GFOD1: variants seen among roughly 807,000 people sequenced by gnomAD.
The protein encoded by GFOD1 is glucose-fructose oxidoreductase domain-containing protein 1.
Under a neutral mutation model 25.4 loss-of-function variants are expected in GFOD1, and 9 were observed. The observed-to-expected ratio is 0.35, with a 90% CI of 0.21 to 0.62. The LOEUF (loss-of-function observed/expected upper bound fraction) is 0.62. Among genes scored for constraint, GFOD1 ranks in the 20% least tolerant of loss-of-function variants. The pLI, the probability that GFOD1 is intolerant of heterozygous loss-of-function variation, is 0.72. For synonymous variants in GFOD1, 253 were observed against 245.6 expected (o/e 1.03, Z -0.28); for missense variants, 403 against 556.9 (o/e 0.72, Z 2.78).
chr6:13,418,635 T>C (rs891498126), intron 1 of GFOD1, among the ~76,000 whole-genome samples: 1 of 152,158 alleles, frequency 6.6e-6, no homozygotes, highest in Non-Finnish European at 1.5e-5. Context: ...ATTGGTGTCA[T>C]CTGTCACCTC....
chr6:13,407,746 G>A (rs888152210), intron 1 of GFOD1, among the ~76,000 whole-genome samples: 1 of 152,174 alleles, frequency 6.6e-6, no homozygotes, highest in Admixed American at 6.5e-5. Context: ...GATCAAATGG[G>A]GCTCAGAGGA....
chr6:13,473,519 C>T (rs1758551991), intron 1 of GFOD1, among the ~76,000 whole-genome samples: 2 of 152,214 alleles, frequency 1.3e-5, no homozygotes, highest in Non-Finnish European at 2.9e-5. Context: ...GTGGCTGTCA[C>T]CATTTGAGAT....
intron 1 of GFOD1, among the ~76,000 whole-genome samples, chr6:13,379,197 G>A (rs1424041415): frequency 1.3e-5 from 2 of 152,166 alleles, no homozygotes; most frequent in Admixed American, 1.3e-4. Flanking sequence ...TGTGTGTTTG[G>A]GGGAGGAAAG....
At chr6:13,475,783 G>T (rs1758610997) in intron 1 of GFOD1, among the ~76,000 whole-genome samples, 1 of 150,120 alleles carries the variant, frequency 6.7e-6, no homozygotes, top group Admixed American at 6.6e-5. Flanking sequence ...AATTAGCCAG[G>T]CATGGTGGCG....
chr6:13,366,589 C>T (rs1217272186), intron 1 of GFOD1, among the ~76,000 whole-genome samples: 2 of 152,182 alleles, frequency 1.3e-5, no homozygotes, highest in Non-Finnish European at 2.9e-5. Context: ...CCACCTCAGC[C>T]TCCCAAAGTT....
intron 1 of GFOD1, among the ~76,000 whole-genome samples, chr6:13,442,746 T>C (rs868826388): frequency 1.3e-5 from 2 of 152,226 alleles, no homozygotes; most frequent in Non-Finnish European, 1.5e-5. Flanking sequence ...TGTTGAGAGC[T>C]ACTACTCAGA....
chr6:13,387,903 G>A (rs1309209521), intron 1 of GFOD1, among the ~76,000 whole-genome samples: 8 of 152,306 alleles, frequency 5.3e-5, no homozygotes, highest in Non-Finnish European at 8.8e-5. Flanking sequence ...TAAGCTGATA[G>A]GCAACTTCAG....
chr6:13,390,761 A>G (rs370800052), intron 1 of GFOD1, among the ~76,000 whole-genome samples: 7 of 104,792 alleles, frequency 6.7e-5, no homozygotes, highest in African/African-American at 2.4e-4. Flanking sequence ...GAGAGAGAGA[A>G]AGAGAGAGAG....
intron 1 of GFOD1, among the ~76,000 whole-genome samples, chr6:13,377,882 G>C (rs1371946570): frequency 6.6e-6 from 1 of 152,142 alleles, no homozygotes; most frequent in East Asian, 1.9e-4. Context: ...CCATCAAAAA[G>C]AAAGACTCAG....
intron 1 of GFOD1, among the ~76,000 whole-genome samples, chr6:13,390,780 AAAGG>A (rs58707530): frequency 0.057 from 6,743 of 117,734 alleles, 259 homozygotes; most frequent in Non-Finnish European, 0.07. Flanking sequence ...AGAGAGAGAG[AAAGG>A]AAGGAAGGAA....
At chr6:13,479,476 A>G (rs776448801) in intron 1 of GFOD1, among the ~76,000 whole-genome samples, 1 of 152,216 alleles carries the variant, frequency 6.6e-6, no homozygotes, top group Non-Finnish European at 1.5e-5. Context: ...CATCTTATAT[A>G]ATGATGCTCT....
At chr6:13,447,555 T>A (rs865876307) in intron 1 of GFOD1, among the ~76,000 whole-genome samples, 1 of 151,772 alleles carries the variant, frequency 6.6e-6, no homozygotes, top group Non-Finnish European at 1.5e-5. Context: ...CTGGTCAACA[T>A]GGTGAAACCC....
chr6:13,406,176 T>C (rs1403469778), intron 1 of GFOD1, among the ~76,000 whole-genome samples: 1 of 152,160 alleles, frequency 6.6e-6, no homozygotes, highest in African/African-American at 2.4e-5. Context: ...ACCAGTAAAG[T>C]ACAGACATCT....
intron 1 of GFOD1, among the ~76,000 whole-genome samples, chr6:13,419,608 G>A (rs548179614): frequency 3.3e-5 from 5 of 152,062 alleles, no homozygotes; most frequent in Non-Finnish European, 7.4e-5. Flanking sequence ...GTAGAACCCC[G>A]AGTCAGTCCT....
chr6:13,460,406 C>A (rs1190558331), intron 1 of GFOD1, among the ~76,000 whole-genome samples: 2 of 152,174 alleles, frequency 1.3e-5, no homozygotes, highest in African/African-American at 4.8e-5. Flanking sequence ...GACACGGAAT[C>A]AACCCAAATC....
At chr6:13,381,989 C>A (rs963629613) in intron 1 of GFOD1, among the ~76,000 whole-genome samples, 1 of 151,416 alleles carries the variant, frequency 6.6e-6, no homozygotes. Context: ...CCACCAAGTA[C>A]CTGCGAAGTG....
intron 1 of GFOD1, among the ~76,000 whole-genome samples, chr6:13,431,533 C>A (rs1181612325): frequency 6.6e-6 from 1 of 152,204 alleles, no homozygotes; most frequent in South Asian, 2.1e-4. Context: ...GCCTTCCCTC[C>A]AGATAATTCC....
intron 1 of GFOD1, among the ~76,000 whole-genome samples, chr6:13,381,917 A>G (rs3001965): frequency 0.14 from 4,500 of 31,296 alleles, 196 homozygotes; most frequent in East Asian, 0.48. Context: ...GCGCGCGCGC[A>G]CACACACACA....
At chr6:13,437,245 C>T (rs1425860274) in intron 1 of GFOD1, among the ~76,000 whole-genome samples, 1 of 152,152 alleles carries the variant, frequency 6.6e-6, no homozygotes, top group East Asian at 1.9e-4. Context: ...CATCGAGTTC[C>T]CTTGATGACA....
Sources: gnomAD v4.1 joint callset for allele counts (sites outside exome capture counted in the v4.1 genomes callset) on GRCh38, gnomAD v4.1.1 for gene constraint, MANE v1.5 for transcripts, NCBI Gene and HGNC (gene_info 2026-07-23, HGNC 2026-07-21) for gene names.